STAC2: variants seen among roughly 807,000 people sequenced by gnomAD.
STAC2 encodes SH3 and cysteine rich domain 2.
In STAC2, 36 loss-of-function variants were observed where a neutral mutation model predicts 49.0. The observed-to-expected ratio is 0.74, with a 90% CI of 0.56 to 0.97. The LOEUF is 0.97. STAC2 is among the 50% of genes least tolerant of loss of function. The pLI is 0.00. For synonymous variants in STAC2, 239 were observed against 214.7 expected (o/e 1.11, Z -0.99); for missense variants, 527 against 543.8 (o/e 0.97, Z 0.31).
intron 3 of STAC2, 68 bp downstream of exon 3, chr17:39,217,008 T>G: frequency 6.2e-7 from 1 of 1,604,136 alleles, no homozygotes; most frequent in African/African-American, 1.3e-5. Context: ...CCCTGAGGGA[T>G]ACTCATTCTC....
chr17:39,213,208 G>C, intron 9 of STAC2, 76 bp from the exon 10 acceptor site: 1 of 1,578,690 alleles, frequency 6.3e-7, no homozygotes, highest in East Asian at 2.2e-5. Flanking sequence ...TCCAGACCCG[G>C]TTCCCACTCA....
At chr17:39,212,883 A>G (rs1324239660) in intron 10 of STAC2, 112 bp downstream of exon 10, 1 of 1,500,772 alleles carries the variant, frequency 6.7e-7, no homozygotes, top group East Asian at 2.3e-5. Flanking sequence ...TTTCCCCTCA[A>G]CTGCCAAGAT....
chr17:39,220,609 G>A (rs1298400079), intron 1 of STAC2, among the ~76,000 whole-genome samples: 2 of 151,724 alleles, frequency 1.3e-5, no homozygotes, highest in Non-Finnish European at 2.9e-5. Context: ...CAAGTAGCTG[G>A]GACTACAGGC....
In STAC2 at chr17:39,218,101, G is replaced by T. The variant is rs774231179; in HGVS notation, c.163C>A (p.Arg55Ser). 7 of 1,613,310 alleles carry T rather than the reference G, an allele frequency of 4.3e-6. No homozygotes were observed. The Admixed American group carries it at 1.2e-4, about 27-fold the overall frequency. Reference sequence around the variant, plus strand: ...GGGCACTTGAGCTCAGAGCCCGAGCGAAGGAAGAAGTTCTCCAAGCTCTTA... The same window carrying T: ...GGGCACTTGAGCTCAGAGCCCGAGCTAAGGAAGAAGTTCTCCAAGCTCTTA... ...RSKSLENFFL[R>S]SGSELKCPTE... Residue 55 changes from arginine to serine, a missense_variant, in exon 2 of 11, where the codon CGC becomes AGC. Arg to Ser is a moderately radical substitution (Grantham distance 110). Coordinates refer to ENST00000333461, the MANE Select transcript of STAC2 (RefSeq NM_198993.5).
At position 39,225,726 on chromosome 17, in the gene STAC2, C is replaced by T; in HGVS notation, c.-224G>A. The T allele has an allele frequency of 1.7e-6, 1 of 577,610 alleles. No homozygotes were observed. The highest frequency in any genetic ancestry group is 3.1e-6 in the Non-Finnish European group (1 of 326,884). The allele number at this position is 577,610 out of a possible 1,614,324, so 35.8% of individuals were successfully genotyped here. Reference sequence around the variant, plus strand: ...CGCTGAGCCGCAGGAGCGGGACGACCCCGGGCGCGAGGACCGAGGGTCTGC... The same window carrying T: ...CGCTGAGCCGCAGGAGCGGGACGACTCCGGGCGCGAGGACCGAGGGTCTGC... On this transcript the variant is annotated 5_prime_UTR_variant, in exon 1 of 11. Transcript: ENST00000333461. This position sits in a 1 kb window ranked among gnomAD's most constrained non-coding sequence, Gnocchi z 8.2.
intron 1 of STAC2, among the ~76,000 whole-genome samples, chr17:39,223,599 C>G (rs2046482710): frequency 6.6e-6 from 1 of 152,210 alleles, no homozygotes; most frequent in Admixed American, 6.5e-5. Flanking sequence ...CCTCCCCACA[C>G]AGCTGAGCAG....
chr17:39,214,037 G>A (rs189313714), intron 8 of STAC2, among the ~76,000 whole-genome samples, 196 bp downstream of exon 8: 5 of 152,128 alleles, frequency 3.3e-5, no homozygotes, highest in Middle Eastern at 3.4e-3. Context: ...GCAGGCACTC[G>A]CTGGGCAGCC....
In STAC2 at chr17:39,213,568, A is replaced by G; in HGVS notation, c.942-10T>C. 1 of 1,612,974 alleles carries G rather than the reference A, an allele frequency of 6.2e-7. No homozygotes were observed. Among genetic ancestry groups the G allele is most frequent in the South Asian group, 1.1e-5 (1 of 91,060 alleles). On this transcript the variant is annotated splice_polypyrimidine_tract_variant and intron_variant, in intron 8 of 10. Transcript: ENST00000333461. ...GATCCGATCTCCAGGCCTGGGGAGG[A>G]CAGAGCTAGGGTTGCATATGGAGCA...
At chr17:39,213,454 G>C in intron 9 of STAC2, 53 bp downstream of exon 9, 2 of 1,606,842 alleles carry the variant, frequency 1.2e-6, no homozygotes, top group African/African-American at 1.3e-5. Flanking sequence ...TTGGGGGTGG[G>C]GGCTGCTGGG....
At position 39,218,123 on chromosome 17, in the gene STAC2, C is replaced by G. The variant is rs2046425477; in HGVS notation, c.141G>C (p.Lys47Asn). Residue 47 changes from lysine (K) to asparagine (N), a missense_variant, in exon 2 of 11, where the codon AAG (lysine) becomes AAC (asparagine). Transcript: ENST00000333461. ...SLSLKTILRS[K>N]SLENFFLRSG... ...AGCGAAGGAAGAAGTTCTCCAAGCT[C>G]TTACTTCGGAGGATGGTCTTGAGGG... The G allele has an allele frequency of 6.2e-7, 1 of 1,613,392 alleles. No homozygotes were observed. Among genetic ancestry groups the G allele is most frequent in the Non-Finnish European group, 8.5e-7 (1 of 1,180,030 alleles).
chr17:39,211,139 C>G lies in STAC2; in HGVS notation c.*1153G>C, dbSNP rs986487654. 15 of 152,398 alleles carry G rather than the reference C, an allele frequency of 9.8e-5. No homozygotes were observed. Among genetic ancestry groups the G allele is most frequent in the African/African-American group, 3.6e-4 (15 of 41,438 alleles). The allele number at this position is 152,398 out of a possible 1,614,324, so 9.4% of individuals were successfully genotyped here. A position where few individuals can be genotyped will look rare whatever the true frequency, so the allele number is the denominator to read the frequency against. ...GGGCAAAGCCTGGGACAGGAACTGA[C>G]AGTCACAGGCTCCCCTGGCGGGTGG... is the stretch of plus-strand genomic sequence containing the variant. On this transcript the variant is annotated 3_prime_UTR_variant, in exon 11 of 11. Transcript: ENST00000333461.
intron 1 of STAC2, among the ~76,000 whole-genome samples, chr17:39,222,490 C>T (rs927257881): frequency 6.6e-6 from 1 of 152,226 alleles, no homozygotes; most frequent in Admixed American, 6.5e-5. Flanking sequence ...TGACTTGATG[C>T]CTGACCACTT....
chr17:39,217,376 G>A (rs2046415253), intron 2 of STAC2, among the ~76,000 whole-genome samples: 1 of 152,128 alleles, frequency 6.6e-6, no homozygotes, highest in Non-Finnish European at 1.5e-5. Flanking sequence ...CTGAGGCAGT[G>A]ACACTGAGTA....
At chr17:39,212,934 T>C in intron 10 of STAC2, 61 bp downstream of exon 10, 4 of 1,594,640 alleles carry the variant, frequency 2.5e-6, no homozygotes, top group South Asian at 1.1e-5. Flanking sequence ...CACCGCAGCC[T>C]GTCTCCCCCG....
At chr17:39,223,646 A>G (rs2144263990) in intron 1 of STAC2, among the ~76,000 whole-genome samples, 1 of 151,610 alleles carries the variant, frequency 6.6e-6, no homozygotes, top group Non-Finnish European at 1.5e-5. Context: ...ACTACCCCAC[A>G]CTCCTGCCCG....
intron 2 of STAC2, among the ~76,000 whole-genome samples, chr17:39,217,547 C>T (rs1462111519): frequency 6.6e-6 from 1 of 151,996 alleles, no homozygotes; most frequent in Non-Finnish European, 1.5e-5. Context: ...ATGGCAAAAC[C>T]CCATCTCTAC....
At chr17:39,214,894 G>A (rs1405268312) in intron 6 of STAC2, 33 bp from the exon 7 acceptor site, 3 of 1,613,944 alleles carry the variant, frequency 1.9e-6, no homozygotes, top group Non-Finnish European at 2.5e-6. Context: ...GTGAGAGGCA[G>A]CAGGGAGCAC....
chr17:39,216,784 G>A (rs746212830), intron 4 of STAC2, 26 bp downstream of exon 4: 2 of 1,560,624 alleles, frequency 1.3e-6, no homozygotes, highest in Non-Finnish European at 1.7e-6. Context: ...ATGGGAGCAG[G>A]GACTGCGGCC....
intron 1 of STAC2, 73 bp from the exon 2 acceptor site, chr17:39,218,246 T>A: frequency 6.5e-7 from 1 of 1,527,344 alleles, no homozygotes; most frequent in East Asian, 2.3e-5. Flanking sequence ...CTTCAGGGTG[T>A]CTCTGGCGGT....
Sources: gnomAD v4.1 joint callset for allele counts (sites outside exome capture counted in the v4.1 genomes callset) on GRCh38, gnomAD v4.1.1 for gene constraint, Gnocchi (gnomAD v3.1) non-coding constraint, MANE v1.5 for transcripts, NCBI Gene and HGNC (gene_info 2026-07-23, HGNC 2026-07-21) for gene names.